MYO3B: variants seen among roughly 807,000 people sequenced by gnomAD.
MYO3B encodes myosin-IIIb.
A neutral mutation model predicts 174.6 loss-of-function variants in MYO3B; 156 were observed. The ratio of observed to expected loss-of-function variants is 0.89; its 90% CI spans 0.78 to 1.02. The LOEUF (loss-of-function observed/expected upper bound fraction) is 1.02. MYO3B is among the 50% of genes least tolerant of loss of function. MYO3B has a pLI of 0.00. For missense variants in MYO3B, 1,632 were observed against 1,639.4 expected (o/e 1.00, Z 0.08); for synonymous variants, 563 against 569.1 (o/e 0.99, Z 0.15).
chr2:170,317,729 T>C (rs1475506530), intron 7 of MYO3B, among the ~76,000 whole-genome samples: 1 of 152,152 alleles, frequency 6.6e-6, no homozygotes, highest in Non-Finnish European at 1.5e-5. Context: ...CAGCTTACTA[T>C]AGGGTAGTGT....
At chr2:170,552,000 C>T (rs1575154198) in intron 32 of MYO3B, among the ~76,000 whole-genome samples, 1 of 152,292 alleles carries the variant, frequency 6.6e-6, no homozygotes, top group South Asian at 2.1e-4. Flanking sequence ...CTTCCTGAAG[C>T]CTCTCCAGTC....
chr2:170,261,250 C>T (rs1358602395), intron 7 of MYO3B, among the ~76,000 whole-genome samples: 1 of 152,036 alleles, frequency 6.6e-6, no homozygotes, highest in Admixed American at 6.5e-5. Flanking sequence ...TCTCAAACTC[C>T]TGGCCTCAAG....
chr2:170,493,354 T>G (rs950528019), intron 25 of MYO3B, among the ~76,000 whole-genome samples: 6 of 152,158 alleles, frequency 3.9e-5, no homozygotes, highest in African/African-American at 1.4e-4. Flanking sequence ...TCCCCTTGCA[T>G]CAAAAATTAA....
At position 170,382,134 on chromosome 2, in the gene MYO3B, A is replaced by C. The variant is rs1457868559; in HGVS notation, c.1068+22A>C. The C allele has an allele frequency of 3.8e-6, 6 of 1,578,304 alleles. 2 individuals are homozygous for C. The South Asian group carries it at 6.7e-5, about 18-fold the overall frequency. On this transcript the variant is annotated intron_variant, in intron 10 of 34. Transcript: ENST00000408978. ...TGAGGTACTAAATATTTAGTAGACA[A>C]TTCTCATTGAAGACATTTGTTTCAT... is the stretch of plus-strand genomic sequence containing the variant.
chr2:170,584,504 T>A (rs1045447502), intron 32 of MYO3B, among the ~76,000 whole-genome samples: 83 of 152,358 alleles, frequency 5.4e-4, no homozygotes, highest in African/African-American at 1.7e-3. Context: ...GTATTGCTTG[T>A]CATTCCTTTA....
rs77838221 is a variant in MYO3B, at chr2:170,247,397, G to A, written c.749+11261G>A. Among the ~76,000 whole-genome samples, 1,393 of 152,230 alleles carry A rather than the reference G, an allele frequency of 9.2e-3. 39 individuals are homozygous for A. The highest frequency in any genetic ancestry group is 0.086 in the East Asian group (443 of 5,168). On this transcript the variant is annotated intron_variant, in intron 7 of 34. Coordinates refer to ENST00000408978, the MANE Select transcript of MYO3B (RefSeq NM_138995.5). Reference sequence around the variant, plus strand: ...CATCTGCTTCTTATGTCTCAAAGGGGCTTAAAACCTGCACAGAGGGCAGGC... The same window carrying A: ...CATCTGCTTCTTATGTCTCAAAGGGACTTAAAACCTGCACAGAGGGCAGGC...
intron 23 of MYO3B, among the ~76,000 whole-genome samples, chr2:170,449,122 G>C (rs988752025): frequency 6.6e-6 from 1 of 152,160 alleles, no homozygotes; most frequent in Non-Finnish European, 1.5e-5. Flanking sequence ...TCCTGGGCCT[G>C]TCAGAAAGTG....
intron 32 of MYO3B, among the ~76,000 whole-genome samples, chr2:170,571,074 T>C (rs1476167446): frequency 6.6e-6 from 1 of 152,196 alleles, no homozygotes; most frequent in African/African-American, 2.4e-5. Flanking sequence ...TAGATTTAAT[T>C]TTTCAGGCTA....
intron 30 of MYO3B, among the ~76,000 whole-genome samples, chr2:170,529,995 G>T (rs1219177297): frequency 6.6e-6 from 1 of 152,114 alleles, no homozygotes; most frequent in Non-Finnish European, 1.5e-5. Context: ...AAACAAATAT[G>T]CCAATATATT....
At chr2:170,618,196 A>C (rs1444329183) in intron 32 of MYO3B, among the ~76,000 whole-genome samples, 3 of 152,200 alleles carry the variant, frequency 2.0e-5, no homozygotes, top group Admixed American at 1.3e-4. Flanking sequence ...CATCTAGAGA[A>C]CCAGGCATCC....
intron 8 of MYO3B, among the ~76,000 whole-genome samples, chr2:170,337,225 C>T (rs2093952115): frequency 1.3e-5 from 2 of 152,006 alleles, no homozygotes; most frequent in Admixed American, 6.6e-5. Context: ...ATGCTGGTAG[C>T]TTGGGACCAC....
intron 32 of MYO3B, among the ~76,000 whole-genome samples, chr2:170,605,109 G>T (rs1694734808): frequency 6.6e-6 from 1 of 152,168 alleles, no homozygotes; most frequent in Non-Finnish European, 1.5e-5. Context: ...AAGACCTCCA[G>T]GTTGCCAGAT....
chr2:170,354,892 A>C (rs1032561518), intron 8 of MYO3B, among the ~76,000 whole-genome samples: 1 of 150,272 alleles, frequency 6.7e-6, no homozygotes, highest in Non-Finnish European at 1.5e-5. Context: ...AAGAAGAAAA[A>C]TATTTTATCT....
chr2:170,322,921 C>G (rs1401148189), intron 7 of MYO3B, among the ~76,000 whole-genome samples: 5 of 152,162 alleles, frequency 3.3e-5, no homozygotes, highest in Non-Finnish European at 7.3e-5. Flanking sequence ...GTGGTAGGAT[C>G]TGATGGTACA....
intron 22 of MYO3B, among the ~76,000 whole-genome samples, chr2:170,415,421 A>G (rs1402762280): frequency 6.6e-6 from 1 of 152,152 alleles, no homozygotes; most frequent in Non-Finnish European, 1.5e-5. Context: ...CACCTTACAT[A>G]CTACATACAT....
intron 32 of MYO3B, among the ~76,000 whole-genome samples, chr2:170,651,028 G>GACAA (rs1463176798): frequency 6.6e-6 from 1 of 152,066 alleles, no homozygotes; most frequent in African/African-American, 2.4e-5. Flanking sequence ...CTGAAATCAG[G>GACAA]ACAAACAGGG....
At position 170,243,643 on chromosome 2, in the gene MYO3B, G is replaced by A. The variant is rs1486635198; in HGVS notation, c.749+7507G>A. Among the ~76,000 whole-genome samples the A allele has an allele frequency of 4.6e-5, 7 of 152,190 alleles. No homozygotes were observed. The East Asian group carries it at 1.3e-3, about 29-fold the overall frequency. On this transcript the variant is annotated intron_variant, in intron 7 of 34. Coordinates refer to ENST00000408978, the MANE Select transcript of MYO3B (RefSeq NM_138995.5). The stretch of plus-strand genomic sequence containing the variant: ...TGTAAATTGGTCAGAATATTTCATA[G>A]TAAGCATTCAATTCATGCTGGATGC...
intron 30 of MYO3B, among the ~76,000 whole-genome samples, chr2:170,520,462 CACACATATATAT>C (rs991031387): frequency 2.7e-5 from 4 of 148,556 alleles, no homozygotes; most frequent in African/African-American, 7.5e-5. Context: ...TATATATACA[CACACATATATAT>C]ACACATATAT....
chr2:170,299,980 C>T (rs187426198), intron 7 of MYO3B, among the ~76,000 whole-genome samples: 136 of 152,248 alleles, frequency 8.9e-4, no homozygotes, highest in African/African-American at 3.1e-3. Context: ...GGATAATTCT[C>T]GATGGTGTGC....
Sources: gnomAD v4.1 joint callset for allele counts (sites outside exome capture counted in the v4.1 genomes callset) on GRCh38, gnomAD v4.1.1 for gene constraint, MANE v1.5 for transcripts, NCBI Gene and HGNC (gene_info 2026-07-23, HGNC 2026-07-21) for gene names.